Variants in CNPY1 observed in about 807,000 individuals in gnomAD.
CNPY1 encodes protein canopy homolog 1.
CNPY1 carries 14 observed loss-of-function variants against 14.4 expected under a neutral mutation model. That is an observed-to-expected ratio of 0.97 (90% confidence interval 0.64 to 1.52). The LOEUF is 1.52. Among genes scored for constraint, CNPY1 ranks in the 40% most tolerant of loss-of-function variants. The pLI is 0.00. For synonymous variants in CNPY1, 43 were observed against 46.5 expected, an observed-to-expected ratio of 0.92 and a Z score of 0.31; for missense variants, 129 against 131.5, an observed-to-expected ratio of 0.98 and a Z score of 0.09.
chr7:155,523,194 G>A (rs1796756344), intron 2 of CNPY1, among the ~76,000 whole-genome samples: 1 of 152,304 alleles, frequency 6.6e-6, no homozygotes, highest in African/African-American at 2.4e-5. Flanking sequence ...GATGCATTAT[G>A]TATTTAGACT....
intron 2 of CNPY1, among the ~76,000 whole-genome samples, chr7:155,515,663 C>G (rs889592844): frequency 6.6e-6 from 1 of 151,946 alleles, no homozygotes; most frequent in South Asian, 2.1e-4. Context: ...AGGTGCATCT[C>G]TTGGCAGATT....
intron 2 of CNPY1, among the ~76,000 whole-genome samples, chr7:155,543,626 G>A (rs1797126554): frequency 6.6e-6 from 1 of 152,236 alleles, no homozygotes; most frequent in Non-Finnish European, 1.5e-5. Context: ...TCTGCTGTGA[G>A]TTAGCCAGAA....
chr7:155,543,153 A>C (rs1183493003), intron 2 of CNPY1, among the ~76,000 whole-genome samples: 1 of 152,108 alleles, frequency 6.6e-6, no homozygotes, highest in Non-Finnish European at 1.5e-5. Context: ...GAGGTCCAGA[A>C]AGGAGAAAAA....
In CNPY1 at chr7:155,501,678, A is replaced by G. The variant is rs1796113802; in HGVS notation, c.*1390T>C. The G allele has an allele frequency of 1.3e-5, 2 of 152,244 alleles. No individual in the cohort carries two copies. The allele number at this position is 152,244 out of a possible 1,614,324, so 9.4% of individuals were successfully genotyped here. A position where few individuals can be genotyped will look rare whatever the true frequency, so the allele number is the denominator to read the frequency against. ...CAATTGTCCTACCCTACTGGAAAAT[A>G]GTGTTAATTATTATTCAGTTCTATT... On this transcript the variant is annotated 3_prime_UTR_variant, in exon 5 of 5. Coordinates refer to ENST00000636446, the MANE Select transcript of CNPY1 (RefSeq NM_001393663.1).
Position 155,545,369 on chromosome 7 carries a change from G to A in CNPY1, c.99+462C>T, listed in dbSNP as rs151021066. On this transcript the variant is annotated intron_variant, in intron 2 of 4. Coordinates refer to ENST00000636446, the MANE Select transcript of CNPY1 (RefSeq NM_001393663.1). ...GCCCCTCTCTAGGTTGTGCAAGAAC[G>A]TTTCTTCCTTCTCCATAGCCAACTG... Among the ~76,000 whole-genome samples, 228 of 152,276 alleles carry A rather than the reference G, an allele frequency of 1.5e-3. 2 individuals carry two copies. The Middle Eastern group carries it at 0.017, about 11-fold the overall frequency.
At chr7:155,534,524 G>A (rs1372343734) in intron 2 of CNPY1, among the ~76,000 whole-genome samples, 2 of 152,166 alleles carry the variant, frequency 1.3e-5, no homozygotes, top group Non-Finnish European at 2.9e-5. Context: ...GCCTGATGAC[G>A]TCAGGCCTTA....
chr7:155,509,490 G>A (rs1296785594), intron 2 of CNPY1, among the ~76,000 whole-genome samples: 2 of 152,054 alleles, frequency 1.3e-5, no homozygotes, highest in Non-Finnish European at 2.9e-5. Flanking sequence ...GAGAGGAGGG[G>A]GAGAGAGACA....
intron 2 of CNPY1, among the ~76,000 whole-genome samples, chr7:155,525,103 T>A (rs1796795752): frequency 6.6e-6 from 1 of 152,196 alleles, no homozygotes; most frequent in Admixed American, 6.5e-5. Flanking sequence ...AGATGATGGT[T>A]ATTTTTGTCG....
chr7:155,541,591 G>A (rs1797084677), intron 2 of CNPY1, among the ~76,000 whole-genome samples: 1 of 152,216 alleles, frequency 6.6e-6, no homozygotes, highest in Non-Finnish European at 1.5e-5. Context: ...CTCAGATGAT[G>A]AGGAGGGAGG....
intron 2 of CNPY1, among the ~76,000 whole-genome samples, chr7:155,540,900 T>A (rs1453643276): frequency 6.6e-6 from 1 of 152,206 alleles, no homozygotes; most frequent in African/African-American, 2.4e-5. Context: ...GGTAAGCAAA[T>A]GTGAAGTAAC....
At chr7:155,508,150 ACTGC>A (rs1443659274) in intron 3 of CNPY1, among the ~76,000 whole-genome samples, 1 of 152,226 alleles carries the variant, frequency 6.6e-6, no homozygotes, top group African/African-American at 2.4e-5. Context: ...TTAAAACAGG[ACTGC>A]CCATCACTTT....
intron 2 of CNPY1, among the ~76,000 whole-genome samples, chr7:155,522,248 G>C (rs1796740394): frequency 6.6e-6 from 1 of 152,264 alleles, no homozygotes; most frequent in African/African-American, 2.4e-5. Flanking sequence ...GGCGGGGTGG[G>C]TATCGCTACC....
chr7:155,524,521 G>T (rs534895944), intron 2 of CNPY1, among the ~76,000 whole-genome samples: 1 of 152,298 alleles, frequency 6.6e-6, no homozygotes, highest in East Asian at 1.9e-4. Context: ...TCTCATAGGA[G>T]TGTGAACCCT....
chr7:155,511,112 C>G (rs1385957570), intron 2 of CNPY1, among the ~76,000 whole-genome samples: 1 of 152,166 alleles, frequency 6.6e-6, no homozygotes, highest in Non-Finnish European at 1.5e-5. Flanking sequence ...AATTCATTCT[C>G]TCTCTCCTTT....
rs559149308 is a variant in CNPY1, at chr7:155,528,958, A to G, written c.99+16873T>C. ...CGCCTGTGGTCCCAGCTACTTGGGAAGCTGAGGCAGGAGAATGGCGTGAAC... is the reference window on the plus strand; with the variant it reads ...CGCCTGTGGTCCCAGCTACTTGGGAGGCTGAGGCAGGAGAATGGCGTGAAC... On this transcript the variant is annotated intron_variant, in intron 2 of 4. Transcript: ENST00000636446. Among the ~76,000 whole-genome samples, 10 of 152,112 alleles carry G rather than the reference A, an allele frequency of 6.6e-5. No individual in the cohort carries two copies. The East Asian group carries it at 9.7e-4, about 15-fold the overall frequency.
chr7:155,529,497 C>T (rs895208228), intron 2 of CNPY1, among the ~76,000 whole-genome samples: 5 of 152,204 alleles, frequency 3.3e-5, no homozygotes, highest in African/African-American at 1.2e-4. Flanking sequence ...TCTGCAGGCT[C>T]AGGCAAGGGT....
At chr7:155,519,652 T>C (rs1375502246) in intron 2 of CNPY1, among the ~76,000 whole-genome samples, 4 of 152,096 alleles carry the variant, frequency 2.6e-5, no homozygotes, top group Non-Finnish European at 5.9e-5. Flanking sequence ...AAAAGACTAT[T>C]AATAAGTTAA....
intron 2 of CNPY1, among the ~76,000 whole-genome samples, chr7:155,534,931 A>G (rs1797005855): frequency 6.6e-6 from 1 of 152,022 alleles, no homozygotes; most frequent in African/African-American, 2.4e-5. Flanking sequence ...TCCTGGGAGG[A>G]TGTGACTGAG....
At chr7:155,523,803 A>G (rs1479832346) in intron 2 of CNPY1, among the ~76,000 whole-genome samples, 1 of 152,194 alleles carries the variant, frequency 6.6e-6, no homozygotes, top group African/African-American at 2.4e-5. Context: ...TTGCAGATAC[A>G]CTCAGCTAGG....
Sources: allele counts gnomAD v4.1 joint callset (sites outside exome capture counted in the v4.1 genomes callset), GRCh38; gene constraint gnomAD v4.1.1; transcripts MANE v1.5; gene names NCBI Gene and HGNC (gene_info 2026-07-23, HGNC 2026-07-21).